Variants in CEP112 observed in about 807,000 individuals in gnomAD.
The protein encoded by CEP112 is centrosomal protein of 112 kDa.
Under a neutral mutation model 153.0 loss-of-function variants are expected in CEP112, and 127 were observed. The ratio of observed to expected loss-of-function variants is 0.83; its 90% CI spans 0.72 to 0.96. The LOEUF is 0.96. Among genes scored for constraint, CEP112 ranks in the 40% least tolerant of loss-of-function variants. The pLI, the probability that CEP112 is intolerant of heterozygous loss-of-function variation, is 0.00. For missense variants in CEP112, 1,089 were observed against 1,101.2 expected (o/e 0.99, Z 0.16); for synonymous variants, 358 against 374.4 (o/e 0.96, Z 0.51).
chr17:65,740,181 C>T (rs981855675), intron 23 of CEP112, among the ~76,000 whole-genome samples: 2 of 152,050 alleles, frequency 1.3e-5, no homozygotes, highest in East Asian at 3.9e-4. Context: ...TATATGCTCT[C>T]CAACGTCATT....
chr17:65,883,787 C>T (rs2059174253), intron 20 of CEP112, among the ~76,000 whole-genome samples: 1 of 152,042 alleles, frequency 6.6e-6, no homozygotes, highest in Admixed American at 6.5e-5. Context: ...AGAGATAAGG[C>T]AAGATTATCA....
intron 4 of CEP112, among the ~76,000 whole-genome samples, chr17:66,169,808 T>C (rs1345862217): frequency 6.6e-6 from 1 of 152,246 alleles, no homozygotes; most frequent in Non-Finnish European, 1.5e-5. Flanking sequence ...TCTATTGCTT[T>C]ATAACAAATT....
chr17:66,135,648 C>T (rs558475355), intron 4 of CEP112, among the ~76,000 whole-genome samples: 6 of 152,236 alleles, frequency 3.9e-5, no homozygotes, highest in South Asian at 4.2e-4. Context: ...TTGTAACATT[C>T]CCTGACATGC....
At chr17:65,887,204 A>T (rs188719022) in intron 20 of CEP112, among the ~76,000 whole-genome samples, 7 of 152,278 alleles carry the variant, frequency 4.6e-5, no homozygotes, top group Admixed American at 4.6e-4. Flanking sequence ...ATTCGGGTTC[A>T]CATCCTAGCC....
At position 66,178,426 on chromosome 17, in the gene CEP112, A is replaced by G. The variant is rs9904227; in HGVS notation, c.107-1406T>C. 2.7e-3 allele frequency among the ~76,000 whole-genome samples: 409 copies of G among 151,978 alleles called. 5 individuals are homozygous for G. Among genetic ancestry groups the G allele is most frequent in the African/African-American group, 9.3e-3 (385 of 41,530 alleles). On this transcript the variant is annotated intron_variant, in intron 2 of 26. Transcript: ENST00000535342. The stretch of plus-strand genomic sequence containing the variant: ...AAATCAGATTATTTGATTTTTTTGT[A>G]TAGAGTTGTTTGAGCTCCTTATATA...
intron 21 of CEP112, among the ~76,000 whole-genome samples, chr17:65,824,693 C>G (rs7208050): frequency 0.97 from 148,020 of 152,270 alleles, 72,011 homozygotes; most frequent in East Asian, 1. Context: ...AAGCCACAAA[C>G]GGAGATTGTT....
chr17:66,116,190 T>C (rs944787567), intron 6 of CEP112, among the ~76,000 whole-genome samples: 2 of 152,228 alleles, frequency 1.3e-5, no homozygotes, highest in Admixed American at 6.5e-5. Flanking sequence ...GCATTTTATA[T>C]ACCAGCAGAT....
At chr17:66,073,807 T>C (rs1201712347) in intron 8 of CEP112, among the ~76,000 whole-genome samples, 2 of 152,102 alleles carry the variant, frequency 1.3e-5, no homozygotes, top group East Asian at 1.9e-4. Context: ...TAACTAGTAA[T>C]TGAACAGCCT....
intron 20 of CEP112, among the ~76,000 whole-genome samples, chr17:65,887,585 G>T (rs1467617816): frequency 2.0e-5 from 3 of 152,174 alleles, no homozygotes; most frequent in Non-Finnish European, 4.4e-5. Context: ...CTTCAGCCCA[G>T]TGCTACAAGC....
At chr17:66,081,914 CA>C (rs1401769094) in intron 8 of CEP112, among the ~76,000 whole-genome samples, 1 of 151,914 alleles carries the variant, frequency 6.6e-6, no homozygotes, top group Non-Finnish European at 1.5e-5. Flanking sequence ...GACTCCATCT[CA>C]GGGGGAAAAA....
At chr17:65,952,442 T>A (rs751603751) in intron 18 of CEP112, among the ~76,000 whole-genome samples, 2 of 152,076 alleles carry the variant, frequency 1.3e-5, no homozygotes, top group Non-Finnish European at 2.9e-5. Flanking sequence ...TGCTGTTGTA[T>A]CAATAATTCA....
intron 16 of CEP112, among the ~76,000 whole-genome samples, chr17:66,015,716 T>G (rs995997213): frequency 6.6e-6 from 1 of 152,248 alleles, no homozygotes; most frequent in Non-Finnish European, 1.5e-5. Flanking sequence ...CTCTTTGTAC[T>G]GTAATTCAAA....
chr17:66,031,161 T>C (rs934773961), intron 12 of CEP112, among the ~76,000 whole-genome samples: 1 of 152,242 alleles, frequency 6.6e-6, no homozygotes, highest in African/African-American at 2.4e-5. Context: ...CCCTCTGCTT[T>C]AGGAGCTCCT....
chr17:66,090,723 T>C (rs1045314284), intron 8 of CEP112, among the ~76,000 whole-genome samples: 4 of 152,048 alleles, frequency 2.6e-5, no homozygotes, highest in Non-Finnish European at 4.4e-5. Context: ...TACAAATGGA[T>C]TAAATTCTCT....
intron 20 of CEP112, among the ~76,000 whole-genome samples, chr17:65,876,853 C>T (rs1329183620): frequency 6.6e-6 from 1 of 152,028 alleles, no homozygotes; most frequent in Admixed American, 6.5e-5. Flanking sequence ...GTTACATTTT[C>T]AGAGCAGCCT....
chr17:65,743,501 C>G (rs558403376), intron 22 of CEP112, among the ~76,000 whole-genome samples: 21 of 152,258 alleles, frequency 1.4e-4, no homozygotes, highest in Non-Finnish European at 1.9e-4. Context: ...CATCTGTGAT[C>G]TCAAAAATAT....
intron 11 of CEP112, among the ~76,000 whole-genome samples, chr17:66,060,703 A>T (rs1016794709): frequency 1.3e-5 from 2 of 152,158 alleles, no homozygotes; most frequent in African/African-American, 4.8e-5. Flanking sequence ...GGATATCCAC[A>T]TGCAGAACAA....
chr17:65,920,405 A>ATATATATAT (rs56723468), intron 19 of CEP112, among the ~76,000 whole-genome samples: 2 of 99,508 alleles, frequency 2.0e-5, no homozygotes, highest in African/African-American at 3.9e-5. Flanking sequence ...ATATATATAT[A>ATATATATAT]ATTATAATAT....
At chr17:65,802,393 T>C (rs1190496109) in intron 21 of CEP112, among the ~76,000 whole-genome samples, 2 of 152,274 alleles carry the variant, frequency 1.3e-5, no homozygotes, top group South Asian at 2.1e-4. Flanking sequence ...CCCAAATTTA[T>C]TGACTTGCAA....
Sources: allele counts gnomAD v4.1 joint callset (sites outside exome capture counted in the v4.1 genomes callset), GRCh38; gene constraint gnomAD v4.1.1; transcripts MANE v1.5; gene names NCBI Gene and HGNC (gene_info 2026-07-23, HGNC 2026-07-21).